ASIC4: variants seen among roughly 807,000 people sequenced by gnomAD.
ASIC4 encodes acid-sensing ion channel 4.
Under a neutral mutation model 53.4 loss-of-function variants are expected in ASIC4, and 28 were observed. The ratio of observed to expected loss-of-function variants is 0.52; its 90% CI spans 0.39 to 0.72. The LOEUF (loss-of-function observed/expected upper bound fraction) is 0.72. Ranked by LOEUF, ASIC4 falls within the 30% of genes least tolerant of loss-of-function variation. The pLI, the probability that ASIC4 is intolerant of heterozygous loss-of-function variation, is 0.00. For synonymous variants in ASIC4, 289 were observed against 301.4 expected (o/e 0.96, Z 0.43); for missense variants, 649 against 729.7 (o/e 0.89, Z 1.27).
At chr2:219,509,265 A>G (rs1238743407), upstream of ASIC4, among the ~76,000 whole-genome samples, 2 of 151,554 alleles carry the variant, frequency 1.3e-5, no homozygotes, top group African/African-American at 4.8e-5. The surrounding 1 kb of genome is among the most constrained non-coding windows in gnomAD (Gnocchi z 5.2). Context: ...GCCCCACCAC[A>G]TCTGCTGCAT....
Position 219,537,231 on chromosome 2 carries a change from C to T in ASIC4, c.1322-11C>T. 1 of 1,613,220 alleles carries T rather than the reference C, an allele frequency of 6.2e-7. No homozygotes were observed. Among genetic ancestry groups the T allele is most frequent in the Non-Finnish European group, 8.5e-7 (1 of 1,179,430 alleles). On this transcript the variant is annotated splice_polypyrimidine_tract_variant and intron_variant, in intron 7 of 9. Transcript: ENST00000358078. The surrounding 1 kb of genome is among the most constrained non-coding windows in gnomAD (Gnocchi z 4.9). ...GGCCGCTCCCTCTGACACTGCTCTC[C>T]TGCTTCCCAGGAGACCTCGGGGGAC...
chr2:219,525,928 G>A (rs1227500275), intron 1 of ASIC4, among the ~76,000 whole-genome samples: 10 of 152,238 alleles, frequency 6.6e-5, no homozygotes, highest in Admixed American at 3.9e-4. Flanking sequence ...GGGAAGTGCC[G>A]GGACCAGAGG....
Position 219,537,147 on chromosome 2 carries a change from A to G in ASIC4, c.1311A>G (p.Ser437=). ...AMEQRAAYGL[S]ALLGDLGGQM... ...AGCAGCGAGCAGCCTATGGCCTGTC[A>G]GCCCTGCTGGGTGAGACTGGTGTCC... Residue 437 remains serine, a synonymous_variant, in exon 7 of 10, where the codon TCA becomes TCG. Coordinates refer to ENST00000358078, the MANE Select transcript of ASIC4 (RefSeq NM_018674.6). The surrounding 1 kb of genome is among the most constrained non-coding windows in gnomAD (Gnocchi z 4.9). The G allele has an allele frequency of 6.2e-7, 1 of 1,613,992 alleles. No homozygotes were observed. Among genetic ancestry groups the G allele is most frequent in the Non-Finnish European group, 8.5e-7 (1 of 1,179,902 alleles).
At chr2:219,514,373 G>A (rs542326823), upstream of ASIC4, 49 of 1,545,978 alleles carry the variant, frequency 3.2e-5, 1 homozygote, top group South Asian at 5.7e-4. Context: ...GGGCTGCGCG[G>A]CGTGGCGGAG....
chr2:219,508,215 T>C, the ASIC4 span, among the ~76,000 whole-genome samples: 1 of 152,152 alleles, frequency 6.6e-6, no homozygotes. Context: ...GGGTGGGCCA[T>C]AGGACCAGGG....
intron 4 of ASIC4, 136 bp from the exon 5 acceptor site, chr2:219,532,747 T>A (rs1695063962): frequency 2.2e-6 from 2 of 921,822 alleles, no homozygotes; most frequent in Admixed American, 4.8e-5. Context: ...TTTGTGGGGG[T>A]TGTGTGTGTG....
chr2:219,526,130 G>A (rs1694958374), intron 1 of ASIC4, among the ~76,000 whole-genome samples: 1 of 152,304 alleles, frequency 6.6e-6, no homozygotes, highest in Non-Finnish European at 1.5e-5. Context: ...GAGGATGCAA[G>A]CAAGCCAGCC....
intron 1 of ASIC4, among the ~76,000 whole-genome samples, chr2:219,515,898 C>T (rs1396945744): frequency 6.6e-6 from 1 of 152,078 alleles, no homozygotes; most frequent in Non-Finnish European, 1.5e-5. Context: ...CAGACTCCCT[C>T]ACACATCCCT....
At position 219,532,477 on chromosome 2, in the gene ASIC4, G is replaced by C. The variant is rs1695059120; in HGVS notation, c.1018G>C (p.Gly340Arg). ...CCACTGCCGGATGGTGCACATGCCA[G>C]GTGGGCACCCCACCCCCAGCCAGCC... is the stretch of plus-strand genomic sequence containing the variant. ...RCHCRMVHMP[G>R]NETICPPNIY... Residue 340 changes from glycine (G) to arginine (R), a missense_variant and splice_region_variant, in exon 4 of 10, where the codon GGC becomes CGC. Coordinates refer to ENST00000358078, the MANE Select transcript of ASIC4 (RefSeq NM_018674.6). The C allele has an allele frequency of 6.2e-7, 1 of 1,607,338 alleles. No homozygotes were observed. Among genetic ancestry groups the C allele is most frequent in the Non-Finnish European group, 8.5e-7 (1 of 1,175,572 alleles).
intron 5 of ASIC4, chr2:219,534,030 T>TCA (rs1695086084): frequency 1.0e-4 from 3 of 28,872 alleles, no homozygotes; most frequent in Non-Finnish European, 1.7e-4. Flanking sequence ...TTACCCTGTC[T>TCA]CAAAAAAAAA....
At chr2:219,530,660 A>G (rs1262076970) in intron 1 of ASIC4, among the ~76,000 whole-genome samples, 1 of 152,234 alleles carries the variant, frequency 6.6e-6, no homozygotes, top group Non-Finnish European at 1.5e-5. Context: ...CTGAGGCTTC[A>G]GTGATGGGCA....
intron 6 of ASIC4, among the ~76,000 whole-genome samples, chr2:219,535,936 C>A (rs1387199760): frequency 6.6e-6 from 1 of 152,084 alleles, no homozygotes; most frequent in Non-Finnish European, 1.5e-5. Context: ...CCATACCCAG[C>A]TAATTTTTGT....
upstream of ASIC4, chr2:219,514,309 C>T (rs1694740284): frequency 1.3e-6 from 2 of 1,509,360 alleles, no homozygotes; most frequent in Non-Finnish European, 1.8e-6. Flanking sequence ...TTGACATGTC[C>T]TGAATTATTA....
At chr2:219,511,309 A>G (rs1694698215), upstream of ASIC4, among the ~76,000 whole-genome samples, 1 of 151,970 alleles carries the variant, frequency 6.6e-6, no homozygotes, top group South Asian at 2.1e-4. The surrounding 1 kb of genome is among the most constrained non-coding windows in gnomAD (Gnocchi z 5.3). Flanking sequence ...ACTTTGCCCA[A>G]ACAAAATCTC....
chr2:219,526,504 A>T (rs1207515636), intron 1 of ASIC4, among the ~76,000 whole-genome samples: 2 of 152,152 alleles, frequency 1.3e-5, no homozygotes, highest in Non-Finnish European at 2.9e-5. Flanking sequence ...AATGGGAGAG[A>T]AAGAGGCCAA....
At chr2:219,535,605 ATGTG>A (rs1289936785) in intron 6 of ASIC4, among the ~76,000 whole-genome samples, 1 of 149,120 alleles carries the variant, frequency 6.7e-6, no homozygotes, top group Admixed American at 6.7e-5. Flanking sequence ...GTGAATGGGT[ATGTG>A]TGTGAGAGAA....
At chr2:219,520,960 G>A (rs1056872581) in intron 1 of ASIC4, among the ~76,000 whole-genome samples, 3 of 152,228 alleles carry the variant, frequency 2.0e-5, no homozygotes, top group Non-Finnish European at 2.9e-5. Flanking sequence ...GCTCCAAATC[G>A]TGATTATTTT....
chr2:219,520,030 A>G (rs1432136944), intron 1 of ASIC4, among the ~76,000 whole-genome samples: 2 of 152,026 alleles, frequency 1.3e-5, no homozygotes, highest in African/African-American at 4.8e-5. Context: ...AGAAACCCTG[A>G]GGAGGCATGG....
Position 219,537,895 on chromosome 2 carries a change from C to A in ASIC4, c.1507-38C>A. The stretch of plus-strand genomic sequence containing the variant: ...GTGAGCCCTGGGGGCACCACTTGAG[C>A]TCTCCCGGTCCCACTCTCTCTTTTC... On this transcript the variant is annotated intron_variant, in intron 9 of 9. Transcript: ENST00000358078. This position sits in a 1 kb window ranked among gnomAD's most constrained non-coding sequence, Gnocchi z 4.9. The A allele has an allele frequency of 6.5e-7, 1 of 1,539,462 alleles. No individual in the cohort carries two copies. Among genetic ancestry groups the A allele is most frequent in the Non-Finnish European group, 8.8e-7 (1 of 1,130,548 alleles).
Sources: allele counts gnomAD v4.1 joint callset (sites outside exome capture counted in the v4.1 genomes callset), GRCh38; gene constraint gnomAD v4.1.1; non-coding constraint Gnocchi (gnomAD v3.1); transcripts MANE v1.5; gene names NCBI Gene and HGNC (gene_info 2026-07-23, HGNC 2026-07-21).